Variants in TENM2 observed in about 807,000 individuals in gnomAD.
The protein encoded by TENM2 is teneurin transmembrane protein 2.
In TENM2, 52 loss-of-function variants were observed where a neutral mutation model predicts 245.2. That is an observed-to-expected ratio of 0.21 (90% confidence interval 0.17 to 0.27). The LOEUF (loss-of-function observed/expected upper bound fraction) is 0.27, where lower values mean the gene tolerates loss of function less well. Among genes scored for constraint, TENM2 ranks in the 10% least tolerant of loss-of-function variants. The pLI is 1.00. For missense variants in TENM2, 3,046 were observed against 3,666.8 expected, an observed-to-expected ratio of 0.83 and a Z score of 4.37; for synonymous variants, 1,363 against 1,438.9, an observed-to-expected ratio of 0.95 and a Z score of 1.19.
chr5:167,337,821 G>T (rs376689924), intron 1 of TENM2, among the ~76,000 whole-genome samples: 1 of 151,970 alleles, frequency 6.6e-6, no homozygotes, highest in Admixed American at 6.6e-5. Context: ...GATTATAAAA[G>T]GTTCATACCA....
At chr5:167,858,719 G>A (rs1771324544) in intron 2 of TENM2, among the ~76,000 whole-genome samples, 1 of 151,058 alleles carries the variant, frequency 6.6e-6, no homozygotes. Flanking sequence ...AGCCGCTGCC[G>A]CGACCGACCG....
intron 12 of TENM2, 112 bp downstream of exon 14, chr5:168,127,078 C>A: frequency 2.2e-6 from 2 of 917,348 alleles, no homozygotes; most frequent in Non-Finnish European, 3.4e-6. Context: ...GCTGCCCCTC[C>A]AAATCTCCCA....
the TENM2 span, among the ~76,000 whole-genome samples, chr5:167,247,926 A>AC: frequency 6.6e-6 from 1 of 152,256 alleles, no homozygotes; most frequent in Non-Finnish European, 1.5e-5. Context: ...TTCCAGATGT[A>AC]CCAAGCATCA....
Position 167,674,118 on chromosome 5 carries a change from A to G in TENM2, c.503-201868A>G, listed in dbSNP as rs930951179. Reference sequence around the variant, plus strand: ...CCATTACATTCTCTTTAAAAGAGGAATAAACTCCAGGGTGTGTAGCTATGC... The same window carrying G: ...CCATTACATTCTCTTTAAAAGAGGAGTAAACTCCAGGGTGTGTAGCTATGC... On this transcript the variant is annotated intron_variant, in intron 2 of 28. Coordinates refer to ENST00000518659, the Ensembl canonical transcript of TENM2. 7.9e-5 allele frequency among the ~76,000 whole-genome samples: 12 copies of G among 152,284 alleles called. No homozygotes were observed. In the East Asian group the frequency reaches 9.7e-4, roughly 12 times the overall value.
the TENM2 span, among the ~76,000 whole-genome samples, chr5:167,168,980 C>T: frequency 6.6e-6 from 1 of 152,070 alleles, no homozygotes; most frequent in South Asian, 2.1e-4. Flanking sequence ...AGGATGGTCT[C>T]GATCTCCTGA....
chr5:167,072,476 A>G, the TENM2 span, among the ~76,000 whole-genome samples: 3 of 152,162 alleles, frequency 2.0e-5, no homozygotes, highest in African/African-American at 4.8e-5. Context: ...TGAGCCCAAC[A>G]TGTCTGTTGA....
At chr5:168,047,213 C>CG (rs528938755) in intron 5 of TENM2, among the ~76,000 whole-genome samples, 78 of 152,254 alleles carry the variant, frequency 5.1e-4, no homozygotes, top group African/African-American at 1.9e-3. Context: ...ATCCTCTCCC[C>CG]CTGAGACTGT....
At chr5:167,362,015 A>T (rs1759745971) in intron 1 of TENM2, among the ~76,000 whole-genome samples, 1 of 152,138 alleles carries the variant, frequency 6.6e-6, no homozygotes, top group Non-Finnish European at 1.5e-5. Context: ...TCTGCCTTCT[A>T]TTCTTGAACT....
rs191589671 is a variant in TENM2 at position 168,177,015 on chromosome 5, T to C, written c.2570-13322T>C. Reference sequence around the variant, plus strand: ...ATCCTGTTCATTGACTTCGTATGGGTTGGTGCAGTAGGTATGCAAGCCTCA... The same window carrying C: ...ATCCTGTTCATTGACTTCGTATGGGCTGGTGCAGTAGGTATGCAAGCCTCA... On this transcript the variant is annotated intron_variant, in intron 13 of 28. Transcript: ENST00000518659. Among the ~76,000 whole-genome samples the C allele has an allele frequency of 1.9e-4, 29 of 152,310 alleles. No individual in the cohort carries two copies. In the East Asian group the frequency reaches 5.2e-3, roughly 27 times the overall value.
the TENM2 span, among the ~76,000 whole-genome samples, chr5:166,992,897 A>G: frequency 6.6e-6 from 1 of 152,210 alleles, no homozygotes; most frequent in African/African-American, 2.4e-5. Flanking sequence ...CAAAAACAAA[A>G]CATAAAGCTT....
intron 5 of TENM2, among the ~76,000 whole-genome samples, chr5:168,029,731 C>T (rs1178239171): frequency 6.6e-6 from 1 of 152,162 alleles, no homozygotes; most frequent in Non-Finnish European, 1.5e-5. Context: ...ATCTGTCATC[C>T]TTAACTGGCA....
chr5:168,013,433 A>G (rs1248444367), intron 5 of TENM2, among the ~76,000 whole-genome samples: 2 of 152,044 alleles, frequency 1.3e-5, no homozygotes, highest in African/African-American at 4.8e-5. Flanking sequence ...GTGAAACCCC[A>G]TCTCTACTAA....
At chr5:167,687,246 T>A (rs182755201) in intron 2 of TENM2, among the ~76,000 whole-genome samples, 1 of 152,340 alleles carries the variant, frequency 6.6e-6, no homozygotes, top group Admixed American at 6.5e-5. Flanking sequence ...AATGTCACAT[T>A]ACATTTGATT....
chr5:168,136,018 C>T (rs1000232401), intron 12 of TENM2, among the ~76,000 whole-genome samples: 1 of 152,142 alleles, frequency 6.6e-6, no homozygotes, highest in Non-Finnish European at 1.5e-5. Flanking sequence ...GTTCTGAGAT[C>T]GCTGATGATG....
chr5:167,195,764 A>G, the TENM2 span, among the ~76,000 whole-genome samples: 1 of 151,916 alleles, frequency 6.6e-6, no homozygotes. Flanking sequence ...CCTAAGAAGA[A>G]ATGACAATCA....
intron 3 of TENM2, among the ~76,000 whole-genome samples, chr5:167,931,702 C>T (rs1349500537): frequency 1.3e-5 from 2 of 152,072 alleles, no homozygotes; most frequent in East Asian, 1.9e-4. Context: ...AAAATGATTT[C>T]GTTCATGTGT....
At chr5:167,631,481 G>C (rs1225031940) in intron 2 of TENM2, among the ~76,000 whole-genome samples, 1 of 152,196 alleles carries the variant, frequency 6.6e-6, no homozygotes, top group East Asian at 1.9e-4. Context: ...AGCATAGGGA[G>C]TAAGGAGCAG....
chr5:167,094,208 A>T, the TENM2 span, among the ~76,000 whole-genome samples: 1 of 152,202 alleles, frequency 6.6e-6, no homozygotes, highest in Non-Finnish European at 1.5e-5. Flanking sequence ...GACATATAAT[A>T]AACTACACAT....
At chr5:167,431,916 T>TATATATATATAC (rs1286132612) in intron 2 of TENM2, among the ~76,000 whole-genome samples, 1 of 137,040 alleles carries the variant, frequency 7.3e-6, no homozygotes, top group African/African-American at 2.8e-5. Context: ...CAAGGTGTGA[T>TATATATATATAC]ATATATATAT....
Sources: gnomAD v4.1 joint callset for allele counts (sites outside exome capture counted in the v4.1 genomes callset) on GRCh38, gnomAD v4.1.1 for gene constraint, MANE v1.5 for transcripts, NCBI Gene and HGNC (gene_info 2026-07-23, HGNC 2026-07-21) for gene names.